GAP43: variants seen among roughly 807,000 people sequenced by gnomAD.
The protein encoded by GAP43 is neuromodulin.
Under a neutral mutation model 18.6 loss-of-function variants are expected in GAP43, and 6 were observed. The observed-to-expected ratio is 0.32, with a 90% confidence interval of 0.18 to 0.64. The LOEUF is 0.64. Among genes scored for constraint, GAP43 ranks in the 30% least tolerant of loss-of-function variants. The pLI, the probability that GAP43 is intolerant of heterozygous loss-of-function variation, is 0.78. For synonymous variants in GAP43, 115 were observed against 111.4 expected (o/e 1.03, Z -0.20); for missense variants, 292 against 295.5 (o/e 0.99, Z 0.09).
Position 115,717,315 on chromosome 3 carries a change from CT to C in GAP43, c.629-3466del, listed in dbSNP as rs34080211. ...ATTCTATATTTATAAATTTTATTGT[CT>C]TTTTTTTTTTTTGACAGAGTTTCAC... On this transcript the variant is annotated intron_variant, in intron 2 of 2. Transcript: ENST00000305124. 3.3e-3 allele frequency among the ~76,000 whole-genome samples: 471 copies of C among 144,870 alleles called. 2 individuals carry two copies. Among genetic ancestry groups the C allele is most frequent in the African/African-American group, 0.01 (414 of 39,430 alleles).
At chr3:115,660,485 C>T (rs954513895) in intron 1 of GAP43, among the ~76,000 whole-genome samples, 1 of 152,194 alleles carries the variant, frequency 6.6e-6, no homozygotes, top group Non-Finnish European at 1.5e-5. Context: ...GACAAAGAAA[C>T]AGATCCAGAG....
intron 1 of GAP43, chr3:115,663,976 A>G (rs1708700029): frequency 2.0e-6 from 3 of 1,489,508 alleles, no homozygotes; most frequent in African/African-American, 1.4e-5. Context: ...TGACTCTGCC[A>G]CTTACTAGCT....
chr3:115,683,365 G>C (rs952256438), intron 2 of GAP43, among the ~76,000 whole-genome samples: 2 of 152,150 alleles, frequency 1.3e-5, no homozygotes, highest in African/African-American at 4.8e-5. Context: ...ATCTAGAAGA[G>C]TCAATTCTAA....
chr3:115,631,884 G>C (rs368049511), intron 1 of GAP43, among the ~76,000 whole-genome samples: 2 of 152,166 alleles, frequency 1.3e-5, no homozygotes, highest in East Asian at 1.9e-4. Context: ...GCCTCTCAAA[G>C]TGTTGGGATT....
chr3:115,691,023 G>C (rs1008164635), intron 2 of GAP43, among the ~76,000 whole-genome samples: 7 of 152,106 alleles, frequency 4.6e-5, no homozygotes, highest in South Asian at 2.1e-4. Flanking sequence ...CCAAAATCCT[G>C]GGATTACAGG....
Position 115,721,410 on chromosome 3 carries a change from GC to G in GAP43, c.*530del, listed in dbSNP as rs1165133356. On this transcript the variant is annotated 3_prime_UTR_variant, in exon 3 of 3. Coordinates refer to ENST00000305124, the MANE Select transcript of GAP43 (RefSeq NM_002045.4). ...AAAAATAAATAAATAAAGCAAATGTGCCAATTAGCGTAAACTTGCGGCTCTA... is the reference window on the plus strand; with the variant it reads ...AAAAATAAATAAATAAAGCAAATGTGCAATTAGCGTAAACTTGCGGCTCTA... 1 of 152,218 alleles carries G rather than the reference GC, an allele frequency of 6.6e-6. No homozygotes were observed. The highest frequency in any genetic ancestry group is 1.9e-4 in the East Asian group (1 of 5,198). 9.4% of individuals were successfully genotyped at this position (152,218 alleles called of 1,614,324 possible). A position where few individuals can be genotyped will look rare whatever the true frequency, so the allele number is the denominator to read the frequency against.
intron 2 of GAP43, among the ~76,000 whole-genome samples, chr3:115,716,759 T>TATATATAC (rs1709511924): frequency 1.4e-4 from 15 of 107,704 alleles, no homozygotes; most frequent in African/African-American, 2.9e-4. Flanking sequence ...TATATATATA[T>TATATATAC]ATATATATAC....
At chr3:115,627,303 T>C (rs187201236) in intron 1 of GAP43, among the ~76,000 whole-genome samples, 4 of 151,838 alleles carry the variant, frequency 2.6e-5, no homozygotes, top group East Asian at 1.9e-4. Flanking sequence ...TGTGTAACTC[T>C]CTTCCCCACC....
chr3:115,642,570 CA>C, intron 1 of GAP43, among the ~76,000 whole-genome samples: 2 of 152,026 alleles, frequency 1.3e-5, no homozygotes, highest in African/African-American at 4.8e-5. Flanking sequence ...GAATATTTCC[CA>C]GTATAGGCTT....
rs1709573726 is a variant in GAP43, at chr3:115,721,149, T to C, written c.*267T>C. 1 of 233,772 alleles carries C rather than the reference T, an allele frequency of 4.3e-6. No individual in the cohort carries two copies. The highest frequency in any genetic ancestry group is 8.5e-6 in the Non-Finnish European group (1 of 117,634). 14.5% of individuals were successfully genotyped at this position (233,772 alleles called of 1,614,324 possible). A position where few individuals can be genotyped will look rare whatever the true frequency, so the allele number is the denominator to read the frequency against. On this transcript the variant is annotated 3_prime_UTR_variant, in exon 3 of 3. Transcript: ENST00000305124. ...TATGGCAAGTTTTTGGTAATGATGA[T>C]TCAATCATTTTGGGAAATTCTTGCA...
intron 1 of GAP43, among the ~76,000 whole-genome samples, chr3:115,627,133 CTTTTT>C (rs5851968): frequency 2.4e-5 from 3 of 122,716 alleles, no homozygotes; most frequent in Non-Finnish European, 1.7e-5. Context: ...TTTTTTCTTT[CTTTTT>C]TTTTTTTTTT....
In GAP43 at chr3:115,710,297, C is replaced by T. The variant is rs188801709; in HGVS notation, c.629-10497C>T. On this transcript the variant is annotated intron_variant, in intron 2 of 2. Coordinates refer to ENST00000305124, the MANE Select transcript of GAP43 (RefSeq NM_002045.4). ...GTAGATATCATAGGCTATACCTTGA[C>T]CTAGTTTTTACTGTGAAAATTGAGA... is the stretch of plus-strand genomic sequence containing the variant. Among the ~76,000 whole-genome samples the T allele has an allele frequency of 1.2e-3, 180 of 151,808 alleles. 1 individual carries two copies. Among genetic ancestry groups the T allele is most frequent in the Non-Finnish European group, 2.0e-3 (134 of 67,920 alleles).
chr3:115,715,113 T>G (rs2107378703), intron 2 of GAP43, among the ~76,000 whole-genome samples: 1 of 152,190 alleles, frequency 6.6e-6, no homozygotes, highest in South Asian at 2.1e-4. Context: ...TCCCAAAGAT[T>G]CCTACTCCTA....
At position 115,708,751 on chromosome 3, in the gene GAP43, G is replaced by A. The variant is rs111853709; in HGVS notation, c.629-12043G>A. Among the ~76,000 whole-genome samples the A allele has an allele frequency of 4.1e-3, 629 of 152,262 alleles. 3 individuals are homozygous for A. Among genetic ancestry groups the A allele is most frequent in the Non-Finnish European group, 7.3e-3 (499 of 68,016 alleles). ...ATACCTTACCCAAGTGGCAGGTGGG[G>A]CTGTTAGCAGCCAACACCTCTGGCA... On this transcript the variant is annotated intron_variant, in intron 2 of 2. Transcript: ENST00000305124.
chr3:115,709,844 C>CATATATATATATATAT (rs149885836), intron 2 of GAP43, among the ~76,000 whole-genome samples: 9 of 147,960 alleles, frequency 6.1e-5, no homozygotes, highest in African/African-American at 2.2e-4. Flanking sequence ...CATGAACATA[C>CATATATATATATATAT]ATATATATAT....
At chr3:115,698,143 AT>A (rs1559804295) in intron 2 of GAP43, among the ~76,000 whole-genome samples, 42 of 9,330 alleles carry the variant, frequency 4.5e-3, no homozygotes, top group Admixed American at 0.015. Flanking sequence ...TATATATAAT[AT>A]ATATTATATA....
intron 2 of GAP43, among the ~76,000 whole-genome samples, chr3:115,689,649 G>C (rs1709079704): frequency 1.3e-5 from 2 of 152,120 alleles, no homozygotes; most frequent in South Asian, 4.1e-4. Context: ...TGATTGAGAA[G>C]GAAAATTGGT....
At chr3:115,715,153 A>G (rs1364685963) in intron 2 of GAP43, among the ~76,000 whole-genome samples, 1 of 152,180 alleles carries the variant, frequency 6.6e-6, no homozygotes, top group Non-Finnish European at 1.5e-5. Context: ...TTAGAATTTC[A>G]ACATATGAAT....
chr3:115,683,159 A>ACACACG (rs1708984924), intron 2 of GAP43, among the ~76,000 whole-genome samples: 1 of 147,746 alleles, frequency 6.8e-6, no homozygotes, highest in African/African-American at 2.6e-5. Context: ...ACACACACAC[A>ACACACG]CACACACACA....
Sources: allele counts gnomAD v4.1 joint callset (sites outside exome capture counted in the v4.1 genomes callset), GRCh38; gene constraint gnomAD v4.1.1; transcripts MANE v1.5; gene names NCBI Gene and HGNC (gene_info 2026-07-23, HGNC 2026-07-21).